Variants in ARHGAP31 observed in about 807,000 individuals in gnomAD.
The protein encoded by ARHGAP31 is Rho GTPase activating protein 31.
ARHGAP31 carries 34 observed loss-of-function variants against 113.9 expected under a neutral mutation model. The ratio of observed to expected loss-of-function variants is 0.30; its 90% confidence interval spans 0.23 to 0.40. ARHGAP31 has a LOEUF of 0.40. Ranked by LOEUF, ARHGAP31 falls within the 10% of genes least tolerant of loss-of-function variation. The pLI is 1.00. For missense variants in ARHGAP31, 1,548 were observed against 1,767.1 expected, an observed-to-expected ratio of 0.88 and a Z score of 2.22; for synonymous variants, 650 against 684.8, an observed-to-expected ratio of 0.95 and a Z score of 0.79.
In ARHGAP31 at chr3:119,414,833, G is replaced by C. The variant is rs766704118; in HGVS notation, c.2904G>C (p.Glu968Asp). The C allele has an allele frequency of 6.2e-7, 1 of 1,614,202 alleles. No individual in the cohort carries two copies. Among genetic ancestry groups the C allele is most frequent in the South Asian group, 1.1e-5 (1 of 91,086 alleles). ...CGGTTAAAAGCCAGTGGACTCTCGA[G>C]GTTCCCTCCTCCAGCAGCTGTGCTA... ...KPTVKSQWTL[E>D]VPSSSSCANL... The change falls in exon 12 of 12, where the codon GAG becomes GAC. Residue 968 changes from glutamate (E) to aspartate (D), a missense_variant. Glu to Asp is a conservative substitution (Grantham distance 45, BLOSUM62 2). Coordinates refer to ENST00000264245, the MANE Select transcript of ARHGAP31 (RefSeq NM_020754.4).
intron 3 of ARHGAP31, among the ~76,000 whole-genome samples, chr3:119,371,431 A>G (rs373034664): frequency 1.3e-5 from 2 of 152,316 alleles, no homozygotes; most frequent in East Asian, 1.9e-4. Context: ...AGTTTATTTG[A>G]CACTAAAAAA....
rs181757389 is a variant in ARHGAP31, at chr3:119,397,487, C to T, written c.1007-1712C>T. On this transcript the variant is annotated intron_variant, in intron 8 of 11. Coordinates refer to ENST00000264245, the MANE Select transcript of ARHGAP31 (RefSeq NM_020754.4). ...CAAAGGGATGCTGACCAGGTAGTTT[C>T]AGGGCAGTAAATCAATTTATAGATT... Among the ~76,000 whole-genome samples, 10 of 152,302 alleles carry T rather than the reference C, an allele frequency of 6.6e-5. No individual in the cohort carries two copies. The South Asian group carries it at 8.3e-4, about 13-fold the overall frequency.
chr3:119,405,652 G>A (rs535370150), intron 10 of ARHGAP31, among the ~76,000 whole-genome samples: 61 of 152,280 alleles, frequency 4.0e-4, no homozygotes, highest in African/African-American at 1.4e-3. Flanking sequence ...GGAGGTTCTA[G>A]CTCCAAATAA....
At chr3:119,297,366 C>CACCA (rs1430740735) in intron 1 of ARHGAP31, among the ~76,000 whole-genome samples, 1 of 152,190 alleles carries the variant, frequency 6.6e-6, no homozygotes, top group East Asian at 1.9e-4. Context: ...GCCCTCTGCC[C>CACCA]ACCACCTTGG....
intron 1 of ARHGAP31, among the ~76,000 whole-genome samples, chr3:119,336,533 C>CCAAG (rs1312163117): frequency 6.6e-6 from 1 of 152,148 alleles, no homozygotes; most frequent in East Asian, 1.9e-4. Context: ...GTTTTAATCA[C>CCAAG]CAAGCACTGA....
chr3:119,414,987 C>G lies in ARHGAP31; in HGVS notation c.3058C>G (p.Pro1020Ala), dbSNP rs765006397. 1.1e-5 allele frequency: 18 copies of G among 1,614,178 alleles called. No homozygotes were observed. In the South Asian group the frequency reaches 1.8e-4, roughly 16 times the overall value. Residue 1020 changes from proline to alanine, a missense_variant, in exon 12 of 12, where the codon CCC (proline) becomes GCC (alanine). Pro to Ala is a conservative substitution (Grantham distance 27, BLOSUM62 -1). Coordinates refer to ENST00000264245, the MANE Select transcript of ARHGAP31 (RefSeq NM_020754.4). ...FSGLKGAEAPPNQKGPSGVQP... is the reference protein window; with the variant it reads ...FSGLKGAEAPANQKGPSGVQP... ...TGGCCTGAAAGGGGCAGAGGCTCCT[C>G]CCAACCAGAAGGGACCAAGTGGTGT...
chr3:119,383,370 T>C, intron 6 of ARHGAP31, 144 bp downstream of exon 6: 1 of 1,083,446 alleles, frequency 9.2e-7, no homozygotes, highest in South Asian at 1.3e-5. Flanking sequence ...TGTCAGTGTC[T>C]GAGGATCGTG....
intron 8 of ARHGAP31, among the ~76,000 whole-genome samples, chr3:119,393,930 T>G (rs2080525974): frequency 6.6e-6 from 1 of 152,216 alleles, no homozygotes; most frequent in Admixed American, 6.5e-5. Context: ...CTTTTTCTGG[T>G]CTAGGATCCA....
chr3:119,371,562 C>T (rs773306935), intron 3 of ARHGAP31, among the ~76,000 whole-genome samples: 1 of 152,140 alleles, frequency 6.6e-6, no homozygotes, highest in Non-Finnish European at 1.5e-5. Context: ...TAAACCTTCA[C>T]GGGTATGGAA....
At chr3:119,373,045 A>G (rs2080315323) in intron 3 of ARHGAP31, among the ~76,000 whole-genome samples, 1 of 152,364 alleles carries the variant, frequency 6.6e-6, no homozygotes, top group East Asian at 1.9e-4. Flanking sequence ...CATTTAGCAG[A>G]TTTCAGGGTG....
At chr3:119,408,532 A>G (rs1234554655) in intron 10 of ARHGAP31, among the ~76,000 whole-genome samples, 5 of 152,244 alleles carry the variant, frequency 3.3e-5, no homozygotes, top group Non-Finnish European at 1.5e-5. Flanking sequence ...ACACTGCTAT[A>G]TGCTTTGTCT....
In ARHGAP31 at chr3:119,415,994, C is replaced by A. The variant is rs993661177; in HGVS notation, c.4065C>A (p.Pro1355=). ...TAATCTTATTCAGTCCTCCTTTCCCCATTATGGACCACCTGCCCCCTTCAT... is the reference window on the plus strand; with the variant it reads ...TAATCTTATTCAGTCCTCCTTTCCCAATTATGGACCACCTGCCCCCTTCAT... ...QSLILFSPPF[P]IMDHLPPSST... Residue 1355 remains proline, a synonymous_variant, in exon 12 of 12, where the codon CCC becomes CCA. Transcript: ENST00000264245. 5 of 1,614,208 alleles carry A rather than the reference C, an allele frequency of 3.1e-6. No individual in the cohort carries two copies. Among genetic ancestry groups the A allele is most frequent in the Non-Finnish European group, 3.4e-6 (4 of 1,180,032 alleles).
intron 4 of ARHGAP31, among the ~76,000 whole-genome samples, chr3:119,382,074 G>A (rs961389527): frequency 6.6e-6 from 1 of 150,812 alleles, no homozygotes; most frequent in African/African-American, 2.4e-5. Flanking sequence ...AGGGTCCTCT[G>A]CTTACATCTG....
At chr3:119,354,113 C>G (rs1483483949) in intron 1 of ARHGAP31, among the ~76,000 whole-genome samples, 1 of 152,228 alleles carries the variant, frequency 6.6e-6, no homozygotes, top group Admixed American at 6.5e-5. Context: ...GACCCCCACC[C>G]GGGGAACCGG....
chr3:119,390,276 G>A (rs973098107), intron 6 of ARHGAP31, among the ~76,000 whole-genome samples: 11 of 152,206 alleles, frequency 7.2e-5, no homozygotes, highest in Non-Finnish European at 1.6e-4. Flanking sequence ...AGGGATATAA[G>A]CCTAGATGAT....
intron 3 of ARHGAP31, among the ~76,000 whole-genome samples, chr3:119,369,431 T>C (rs1358178184): frequency 1.3e-5 from 2 of 152,120 alleles, no homozygotes; most frequent in Non-Finnish European, 2.9e-5. Context: ...GACTGTATGG[T>C]AGTTAGAGAG....
At position 119,366,999 on chromosome 3, in the gene ARHGAP31, G is replaced by A. The variant is rs190098697; in HGVS notation, c.204-1373G>A. ...TGCCTGTAATCCCAACTACTCGGGAGGCTGAGGCAGAAGAATTGCCTGAAC... is the reference window on the plus strand; with the variant it reads ...TGCCTGTAATCCCAACTACTCGGGAAGCTGAGGCAGAAGAATTGCCTGAAC... On this transcript the variant is annotated intron_variant, in intron 2 of 11. Coordinates refer to ENST00000264245, the MANE Select transcript of ARHGAP31 (RefSeq NM_020754.4). Among the ~76,000 whole-genome samples, 398 of 152,042 alleles carry A rather than the reference G, an allele frequency of 2.6e-3. 3 individuals are homozygous for A. Among genetic ancestry groups the A allele is most frequent in the African/African-American group, 9.3e-3 (385 of 41,444 alleles).
chr3:119,350,100 G>A (rs990037719), intron 1 of ARHGAP31, among the ~76,000 whole-genome samples: 1 of 152,186 alleles, frequency 6.6e-6, no homozygotes, highest in African/African-American at 2.4e-5. Flanking sequence ...TAAAATAAAT[G>A]TAATGAGCAC....
At chr3:119,367,873 A>AAAT (rs1167906634) in intron 2 of ARHGAP31, among the ~76,000 whole-genome samples, 4 of 151,912 alleles carry the variant, frequency 2.6e-5, no homozygotes, top group Non-Finnish European at 4.4e-5. Flanking sequence ...AAGAAAAAAA[A>AAAT]AAAAAAAGAT....
Sources: allele counts gnomAD v4.1 joint callset (sites outside exome capture counted in the v4.1 genomes callset), GRCh38; gene constraint gnomAD v4.1.1; transcripts MANE v1.5; gene names NCBI Gene and HGNC (gene_info 2026-07-23, HGNC 2026-07-21).